RAPGEF5: variants seen among roughly 807,000 people sequenced by gnomAD.
RAPGEF5 encodes M-Ras-regulated GEF.
A neutral mutation model predicts 125.2 loss-of-function variants in RAPGEF5; 65 were observed. The ratio of observed to expected loss-of-function variants is 0.52; its 90% CI spans 0.43 to 0.64. The LOEUF is 0.64. RAPGEF5 is among the 30% of genes least tolerant of loss of function. The pLI is 0.00. For missense variants in RAPGEF5, 958 were observed against 1,048.1 expected (o/e 0.91, Z 1.19); for synonymous variants, 391 against 385.9 (o/e 1.01, Z -0.16).
chr7:22,198,237 G>A (rs145615986), intron 9 of RAPGEF5, among the ~76,000 whole-genome samples: 3 of 152,264 alleles, frequency 2.0e-5, no homozygotes, highest in Admixed American at 6.5e-5. Flanking sequence ...GCTGAGAGGC[G>A]CTCTTCCTAA....
intron 11 of RAPGEF5, among the ~76,000 whole-genome samples, chr7:22,182,576 T>C (rs1562745669): frequency 6.6e-6 from 1 of 152,138 alleles, no homozygotes; most frequent in Non-Finnish European, 1.5e-5. Flanking sequence ...AATATGCCAA[T>C]AGACACGAAA....
rs567174909 is a variant in RAPGEF5, at chr7:22,142,400, T to C, written c.2187-2285A>G. On this transcript the variant is annotated intron_variant, in intron 20 of 25. Coordinates refer to ENST00000665637, the MANE Select transcript of RAPGEF5 (RefSeq NM_012294.5). Reference sequence around the variant, plus strand: ...ATAAAGATGTCTATTATTCTACGTTTTATTGAGCTTAATTTATCTATGTGA... The same window carrying C: ...ATAAAGATGTCTATTATTCTACGTTCTATTGAGCTTAATTTATCTATGTGA... Among the ~76,000 whole-genome samples, 3 of 152,370 alleles carry C rather than the reference T, an allele frequency of 2.0e-5. No homozygotes were observed. In the East Asian group the frequency reaches 5.8e-4, roughly 29 times the overall value.
chr7:22,139,863 C>A, intron 21 of RAPGEF5, 162 bp downstream of exon 21: 2 of 604,736 alleles, frequency 3.3e-6, no homozygotes, highest in Non-Finnish European at 5.8e-6. Context: ...AGTTCAGACA[C>A]ATTATACAAC....
chr7:22,352,508 T>C (rs1026983392), intron 1 of RAPGEF5, among the ~76,000 whole-genome samples: 3 of 152,136 alleles, frequency 2.0e-5, no homozygotes, highest in African/African-American at 4.8e-5. Context: ...ACTTAGAATA[T>C]CTTGCGTCAG....
chr7:22,261,577 G>C (rs747755029), intron 7 of RAPGEF5, among the ~76,000 whole-genome samples: 103 of 152,284 alleles, frequency 6.8e-4, no homozygotes, highest in Admixed American at 2.6e-3. Context: ...TGTGAGCTGT[G>C]ACTGCGCCAC....
chr7:22,260,971 A>T (rs1415516121), intron 7 of RAPGEF5, among the ~76,000 whole-genome samples: 2 of 152,206 alleles, frequency 1.3e-5, no homozygotes, highest in Admixed American at 6.5e-5. Flanking sequence ...TGGAGTAAGC[A>T]TTATAGATCA....
chr7:22,201,471 A>C (rs935608246), intron 9 of RAPGEF5, among the ~76,000 whole-genome samples: 7 of 152,226 alleles, frequency 4.6e-5, no homozygotes, highest in Non-Finnish European at 8.8e-5. Flanking sequence ...GCTTGTGTTA[A>C]GTTTTCATTA....
At chr7:22,173,910 C>T (rs1001016548) in intron 11 of RAPGEF5, among the ~76,000 whole-genome samples, 2 of 152,092 alleles carry the variant, frequency 1.3e-5, no homozygotes, top group Non-Finnish European at 2.9e-5. Context: ...CATATGCATG[C>T]GTCTGCCAAG....
At chr7:22,131,125 G>A (rs1469124762) in intron 23 of RAPGEF5, 24 bp from the exon 24 acceptor site, 1 of 1,520,938 alleles carries the variant, frequency 6.6e-7, no homozygotes, top group Admixed American at 2.2e-5. Context: ...ACAAAAAGAT[G>A]TATGTATCAT....
chr7:22,149,385 C>T (rs565887986), intron 18 of RAPGEF5, among the ~76,000 whole-genome samples: 4 of 152,314 alleles, frequency 2.6e-5, no homozygotes, highest in South Asian at 4.1e-4. Flanking sequence ...CCCGCCCCAG[C>T]GATGGCTCCA....
intron 7 of RAPGEF5, among the ~76,000 whole-genome samples, chr7:22,238,576 G>A (rs947694830): frequency 2.6e-5 from 4 of 152,210 alleles, no homozygotes; most frequent in African/African-American, 9.7e-5. Flanking sequence ...TATGCTCACT[G>A]AAAAAGAATA....
intron 9 of RAPGEF5, among the ~76,000 whole-genome samples, chr7:22,213,467 A>G (rs1297638034): frequency 6.6e-6 from 1 of 152,188 alleles, no homozygotes; most frequent in Non-Finnish European, 1.5e-5. Context: ...ACTGTTTTCC[A>G]TGTATAAATT....
At chr7:22,284,566 C>T (rs955335034) in intron 6 of RAPGEF5, among the ~76,000 whole-genome samples, 2 of 152,146 alleles carry the variant, frequency 1.3e-5, no homozygotes, top group African/African-American at 4.8e-5. Context: ...TCTTAAGCCA[C>T]TGGAAGGACT....
intron 6 of RAPGEF5, among the ~76,000 whole-genome samples, chr7:22,274,307 A>C (rs958483420): frequency 1.3e-5 from 2 of 152,024 alleles, no homozygotes; most frequent in African/African-American, 4.8e-5. Flanking sequence ...TAGTGGCTCA[A>C]ACTCAACATT....
chr7:22,356,243 T>C, intron 1 of RAPGEF5: 3 of 985,350 alleles, frequency 3.0e-6, no homozygotes, highest in Non-Finnish European at 3.6e-6. Flanking sequence ...CTTGGGGGCG[T>C]GCACCCTCCT....
At chr7:22,197,591 C>T (rs183449732) in intron 9 of RAPGEF5, among the ~76,000 whole-genome samples, 2 of 152,284 alleles carry the variant, frequency 1.3e-5, no homozygotes, top group Non-Finnish European at 1.5e-5. Flanking sequence ...CCCTGGTCTT[C>T]AGTTTGATCT....
At chr7:22,333,707 G>A (rs780766627) in intron 1 of RAPGEF5, among the ~76,000 whole-genome samples, 3 of 152,206 alleles carry the variant, frequency 2.0e-5, no homozygotes, top group Non-Finnish European at 4.4e-5. Context: ...GGATTTGCGC[G>A]CAGGCACACA....
At chr7:22,260,660 T>C (rs940867686) in intron 7 of RAPGEF5, among the ~76,000 whole-genome samples, 3 of 151,998 alleles carry the variant, frequency 2.0e-5, no homozygotes, top group African/African-American at 4.8e-5. Flanking sequence ...TATTCATTGA[T>C]AGAAACACAT....
At chr7:22,162,673 G>T in intron 12 of RAPGEF5, 132 bp from the exon 13 acceptor site, 1 of 918,802 alleles carries the variant, frequency 1.1e-6, no homozygotes, top group Non-Finnish European at 1.7e-6. Flanking sequence ...AATATGCGTA[G>T]GGAGAGCAAA....
Sources: gnomAD v4.1 joint callset for allele counts (sites outside exome capture counted in the v4.1 genomes callset) on GRCh38, gnomAD v4.1.1 for gene constraint, MANE v1.5 for transcripts, NCBI Gene and HGNC (gene_info 2026-07-23, HGNC 2026-07-21) for gene names.